MPHOSPH10: variants seen among roughly 807,000 people sequenced by gnomAD.
The protein encoded by MPHOSPH10 is U3 small nucleolar ribonucleoprotein MPP10.
Under a neutral mutation model 77.3 loss-of-function variants are expected in MPHOSPH10, and 33 were observed. That is an observed-to-expected ratio of 0.43 (90% confidence interval 0.32 to 0.57). The LOEUF is 0.57. Among genes scored for constraint, MPHOSPH10 ranks in the 20% least tolerant of loss-of-function variants. The pLI is 0.07. For missense variants in MPHOSPH10, 708 were observed against 780.1 expected (o/e 0.91, Z 1.10); for synonymous variants, 245 against 268.0 (o/e 0.91, Z 0.84).
intron 4 of MPHOSPH10, among the ~76,000 whole-genome samples, chr2:71,137,954 G>A (rs868290630): frequency 2.6e-5 from 4 of 152,192 alleles, no homozygotes; most frequent in Admixed American, 6.5e-5. Flanking sequence ...TTAGCCGGGC[G>A]TGGTGGCACA....
intron 9 of MPHOSPH10, 21 bp downstream of exon 9, chr2:71,148,127 C>T: frequency 6.3e-7 from 1 of 1,578,608 alleles, no homozygotes; most frequent in Non-Finnish European, 8.7e-7. Flanking sequence ...AATGTTGAAA[C>T]CTTAAATGTC....
In MPHOSPH10 at chr2:71,133,457, A is replaced by G. The variant is rs1378315297; in HGVS notation, c.649A>G (p.Ile217Val). The stretch of plus-strand genomic sequence containing the variant: ...TGAAATGGAGGCCTATTTAGAAAAC[A>G]TAGAAAAAGAAGAGGAACGAAAAGA... ...LSEMEAYLEN[I>V]EKEEERKDDN... Residue 217 changes from isoleucine (I) to valine (V), a missense_variant, in exon 2 of 11, where the codon ATA (isoleucine) becomes GTA (valine). Physicochemically the swap from Ile to Val is conservative, Grantham distance 29. Around this residue, in one of 3 missense-constraint regions of MPHOSPH10, gnomAD observed 433 missense variants for 432.6 expected, o/e 1.00. Transcript: ENST00000244230. 3 of 1,614,066 alleles carry G rather than the reference A, an allele frequency of 1.9e-6. No individual in the cohort carries two copies. The highest frequency in any genetic ancestry group is 1.7e-6 in the Non-Finnish European group (2 of 1,179,962).
intron 6 of MPHOSPH10, among the ~76,000 whole-genome samples, chr2:71,140,741 T>G (rs988786727): frequency 5.3e-5 from 8 of 151,976 alleles, no homozygotes; most frequent in African/African-American, 1.9e-4. Context: ...AGAGATGGCC[T>G]TATAACATGT....
In MPHOSPH10 at chr2:71,133,296, G is replaced by T; in HGVS notation, c.488G>T (p.Ser163Ile). The T allele has an allele frequency of 6.2e-7, 1 of 1,614,126 alleles. No individual in the cohort carries two copies. The highest frequency in any genetic ancestry group is 8.5e-7 in the Non-Finnish European group (1 of 1,180,016). Residue 163 changes from serine (S) to isoleucine (I), a missense_variant, in exon 2 of 11, where the codon AGC becomes ATC. Coordinates refer to ENST00000244230, the MANE Select transcript of MPHOSPH10 (RefSeq NM_005791.3). The stretch of plus-strand genomic sequence containing the variant: ...TCAAGCAAATCTGATCTGAGGAAAA[G>T]CCCCGTTTTCAGTGATGAGGATTCT... ...ENSSKSDLRK[S>I]PVFSDEDSDL...
Position 71,133,113 on chromosome 2 carries a change from A to C in MPHOSPH10, c.305A>C (p.Glu102Ala), listed in dbSNP as rs761411746. 3.7e-6 allele frequency: 6 copies of C among 1,614,074 alleles called. No homozygotes were observed. In the African/African-American group the frequency reaches 6.7e-5, roughly 18 times the overall value. Reference protein sequence around the residue: ...QNAVSETINDEDISLLPESEE... With the variant: ...QNAVSETINDADISLLPESEE... ...GCAGTTAGTGAAACAATTAATGATG[A>C]AGATATCAGTCTTCTCCCAGAGAGT... Residue 102 changes from glutamate to alanine, a missense_variant, in exon 2 of 11, where the codon GAA (glutamate) becomes GCA (alanine). Around this residue, in one of 3 missense-constraint regions of MPHOSPH10, gnomAD observed 433 missense variants for 432.6 expected, o/e 1.00. Transcript: ENST00000244230.
intron 1 of MPHOSPH10, among the ~76,000 whole-genome samples, chr2:71,131,073 C>T (rs995180784): frequency 1.3e-5 from 2 of 152,174 alleles, no homozygotes; most frequent in Non-Finnish European, 2.9e-5. Context: ...TATGTGCTCT[C>T]AAAGCACTTA....
intron 4 of MPHOSPH10, 84 bp downstream of exon 4, chr2:71,134,881 T>C: frequency 1.7e-6 from 2 of 1,161,816 alleles, no homozygotes; most frequent in East Asian, 2.4e-5. Context: ...AAAACAAATA[T>C]CTTGGCCAGG....
chr2:71,135,855 A>C (rs1397585208), intron 4 of MPHOSPH10, among the ~76,000 whole-genome samples: 1 of 150,942 alleles, frequency 6.6e-6, no homozygotes, highest in East Asian at 2.0e-4. Context: ...GATGCCCGCC[A>C]CCACGCCCAA....
At chr2:71,130,891 T>C in intron 1 of MPHOSPH10, 137 bp downstream of exon 1, 1 of 788,552 alleles carries the variant, frequency 1.3e-6, no homozygotes, top group Non-Finnish European at 2.0e-6. Flanking sequence ...TCAGAGTTTA[T>C]GCTTTCCTAG....
rs144162265 is a variant in MPHOSPH10 at position 71,134,774 on chromosome 2, T to A, written c.1075T>A (p.Ser359Thr). The change falls in exon 4 of 11, where the codon TCC becomes ACC. Residue 359 changes from serine to threonine, a missense_variant. Physicochemically the swap from Ser to Thr is moderately conservative, Grantham distance 58. Around this residue, in one of 3 missense-constraint regions of MPHOSPH10, gnomAD observed 433 missense variants for 432.6 expected, o/e 1.00. Coordinates refer to ENST00000244230, the MANE Select transcript of MPHOSPH10 (RefSeq NM_005791.3). The part of the protein sequence containing the change: ...VKKNSDEVKS[S>T]FEKRQEKMNE... ...GAAAAATTCTGATGAAGTTAAATCCTCCTTTGAAAAAAGACAGGAAAAGGT... is the reference window on the plus strand; with the variant it reads ...GAAAAATTCTGATGAAGTTAAATCCACCTTTGAAAAAAGACAGGAAAAGGT... 6 of 1,587,826 alleles carry A rather than the reference T, an allele frequency of 3.8e-6. No individual in the cohort carries two copies. In the East Asian group the frequency reaches 1.3e-4, roughly 36 times the overall value.
chr2:71,137,642 G>A (rs542868327), intron 4 of MPHOSPH10, among the ~76,000 whole-genome samples: 1 of 136,632 alleles, frequency 7.3e-6, no homozygotes, highest in East Asian at 2.4e-4. Flanking sequence ...CTAGGCAACT[G>A]AGCGAGACTG....
Position 71,149,720 on chromosome 2 carries a change from A to G in MPHOSPH10, c.1897-146A>G. Reference sequence around the variant, plus strand: ...CATTGTAGCAGTGCAGAATACCTCTATGCTAACTGATTCAGTTTTCTGTAA... The same window carrying G: ...CATTGTAGCAGTGCAGAATACCTCTGTGCTAACTGATTCAGTTTTCTGTAA... On this transcript the variant is annotated intron_variant, in intron 10 of 10. Coordinates refer to ENST00000244230, the MANE Select transcript of MPHOSPH10 (RefSeq NM_005791.3). 3 of 765,802 alleles carry G rather than the reference A, an allele frequency of 3.9e-6. No individual in the cohort carries two copies. In the South Asian group the frequency reaches 6.1e-5, roughly 16 times the overall value. The allele number at this position is 765,802 out of a possible 1,614,324, so 47.4% of individuals were successfully genotyped here.
At chr2:71,142,591 T>G (rs1673632930) in intron 7 of MPHOSPH10, among the ~76,000 whole-genome samples, 1 of 152,246 alleles carries the variant, frequency 6.6e-6, no homozygotes, top group Non-Finnish European at 1.5e-5. Flanking sequence ...TAGGACCCTT[T>G]ACTCACATTT....
At chr2:71,141,469 C>T in intron 7 of MPHOSPH10, 100 bp downstream of exon 7, 1 of 1,009,234 alleles carries the variant, frequency 9.9e-7, no homozygotes. Flanking sequence ...AAATCTTGAG[C>T]TCTTTGGCTA....
chr2:71,146,453 G>A (rs565629940), intron 8 of MPHOSPH10, among the ~76,000 whole-genome samples: 1 of 147,708 alleles, frequency 6.8e-6, no homozygotes, highest in Admixed American at 7.0e-5. Context: ...CTCCTGCCTC[G>A]GCCTCCCGAG....
intron 7 of MPHOSPH10, 94 bp downstream of exon 7, chr2:71,141,463 C>A (rs1002319437): frequency 1.8e-6 from 2 of 1,098,502 alleles, no homozygotes; most frequent in Non-Finnish European, 2.4e-6. Flanking sequence ...AAACAGAAAT[C>A]TTGAGCTCTT....
In MPHOSPH10 at chr2:71,133,527, T is replaced by C. The variant is rs147378452; in HGVS notation, c.719T>C (p.Ile240Thr). The C allele has an allele frequency of 1.4e-3, 2,243 of 1,610,850 alleles. 21 individuals are homozygous for C. The African/African-American group carries it at 0.025, about 18-fold the overall frequency. ...EEEDIDFFED[I>T]DSDEDEGGLF... is the part of the protein sequence containing the mutation. The stretch of plus-strand genomic sequence containing the variant: ...GAAGATATTGATTTTTTTGAAGATA[T>C]TGATTCTGATGAAGATGAAGGGGGA... The change falls in exon 2 of 11, where the codon ATT becomes ACT. Residue 240 changes from isoleucine (I) to threonine (T), a missense_variant. Transcript: ENST00000244230.
At chr2:71,146,094 G>A (rs772027278) in intron 8 of MPHOSPH10, among the ~76,000 whole-genome samples, 3 of 152,138 alleles carry the variant, frequency 2.0e-5, no homozygotes, top group Non-Finnish European at 4.4e-5. Context: ...TCTGTTCCTC[G>A]CACTAGCTAG....
At chr2:71,131,145 A>C (rs1292849978) in intron 1 of MPHOSPH10, among the ~76,000 whole-genome samples, 1 of 152,164 alleles carries the variant, frequency 6.6e-6, no homozygotes, top group African/African-American at 2.4e-5. Flanking sequence ...CCCCATGACT[A>C]AGCTTCTTCA....
Sources: gnomAD v4.1 joint callset for allele counts (sites outside exome capture counted in the v4.1 genomes callset) on GRCh38, gnomAD v4.1.1 for gene constraint, gnomAD v4.1.1 regional missense constraint, MANE v1.5 for transcripts, NCBI Gene and HGNC (gene_info 2026-07-23, HGNC 2026-07-21) for gene names.